The following SYTL3 variants were observed in gnomAD, a reference collection of about 807,000 sequenced individuals.
The protein encoded by SYTL3 is synaptotagmin-like protein 3.
A neutral mutation model predicts 82.1 loss-of-function variants in SYTL3; 88 were observed. The ratio of observed to expected loss-of-function variants is 1.07; its 90% CI spans 0.90 to 1.28. The LOEUF is 1.28. Ranked by LOEUF, SYTL3 falls within the 50% of genes most tolerant of loss-of-function variation. The pLI, the probability that SYTL3 is intolerant of heterozygous loss-of-function variation, is 0.00. For missense variants in SYTL3, 831 were observed against 757.6 expected (o/e 1.10, Z -1.14); for synonymous variants, 311 against 289.4 (o/e 1.07, Z -0.76).
At chr6:158,647,557 G>C (rs573927230), upstream of SYTL3, among the ~76,000 whole-genome samples, 8 of 152,316 alleles carry the variant, frequency 5.3e-5, no homozygotes, top group African/African-American at 1.9e-4. Context: ...GTAGTGCTTG[G>C]AAAAATGCAG....
chr6:158,697,978 G>T (rs986379399), intron 6 of SYTL3, among the ~76,000 whole-genome samples: 1 of 152,220 alleles, frequency 6.6e-6, no homozygotes, highest in Non-Finnish European at 1.5e-5. Flanking sequence ...GTTAGTAATT[G>T]TTGCTCCCTG....
intron 17 of SYTL3, among the ~76,000 whole-genome samples, chr6:158,763,904 G>T (rs1790367089): frequency 6.6e-6 from 1 of 152,190 alleles, no homozygotes; most frequent in African/African-American, 2.4e-5. Context: ...CGCTCGGCAG[G>T]GCACCGCCGG....
Position 158,718,080 on chromosome 6 carries a change from CT to C in SYTL3, c.596-3del. The C allele has an allele frequency of 6.6e-7, 1 of 1,521,768 alleles. No individual in the cohort carries two copies. Among genetic ancestry groups the C allele is most frequent in the Non-Finnish European group, 8.8e-7 (1 of 1,133,218 alleles). 94.3% of individuals were successfully genotyped at this position (1,521,768 alleles called of 1,614,324 possible). A position where few individuals can be genotyped will look rare whatever the true frequency, so the allele number is the denominator to read the frequency against. ...CCCACCCATCAACCCTTGTGTTTGC[CT>C]TTTAGAGCTCTCCAAATCCCAGAAT... is the stretch of plus-strand genomic sequence containing the variant. On this transcript the variant is annotated splice_polypyrimidine_tract_variant and splice_region_variant and intron_variant, in intron 9 of 17. Transcript: ENST00000611299.
chr6:158,674,348 A>G (rs1186785191), intron 5 of SYTL3, among the ~76,000 whole-genome samples: 1 of 151,824 alleles, frequency 6.6e-6, no homozygotes, highest in Non-Finnish European at 1.5e-5. Flanking sequence ...TCTTCCTTCT[A>G]TCTTGCTGTG....
chr6:158,654,183 C>T (rs958043962), intron 2 of SYTL3, among the ~76,000 whole-genome samples: 11 of 152,182 alleles, frequency 7.2e-5, no homozygotes, highest in Non-Finnish European at 1.0e-4. Flanking sequence ...CTCTCTGCTC[C>T]TGTGTGGAGT....
chr6:158,697,617 T>C (rs1392103367), intron 6 of SYTL3, among the ~76,000 whole-genome samples: 1 of 152,116 alleles, frequency 6.6e-6, no homozygotes, highest in African/African-American at 2.4e-5. Context: ...AGCAACAGAA[T>C]GAGAGAAAAT....
chr6:158,733,654 G>A (rs534699177), intron 11 of SYTL3, among the ~76,000 whole-genome samples: 166 of 151,958 alleles, frequency 1.1e-3, no homozygotes, highest in South Asian at 2.5e-3. Flanking sequence ...AAAGTTTTAA[G>A]TTGTTAGCCA....
Position 158,707,116 on chromosome 6 carries a change from T to C in SYTL3, c.395-114T>C, listed in dbSNP as rs376449748. On this transcript the variant is annotated intron_variant, in intron 6 of 17. Coordinates refer to ENST00000611299, the MANE Select transcript of SYTL3 (RefSeq NM_001242394.2). ...ATCACCTCAAAATGATCTCTTACTT[T>C]TTAATCACAAGAAATGATACTAGAG... The C allele has an allele frequency of 7.2e-6, 8 of 1,112,700 alleles. No homozygotes were observed. In the East Asian group the frequency reaches 1.2e-4, roughly 17 times the overall value. 68.9% of individuals were successfully genotyped at this position (1,112,700 alleles called of 1,614,324 possible).
chr6:158,690,998 C>A (rs1429110117), intron 6 of SYTL3, among the ~76,000 whole-genome samples: 1 of 152,090 alleles, frequency 6.6e-6, no homozygotes, highest in Non-Finnish European at 1.5e-5. Context: ...TCAAATTCAA[C>A]CTTCCTGGCC....
chr6:158,688,649 A>C (rs11753677), intron 6 of SYTL3, among the ~76,000 whole-genome samples: 7,374 of 152,306 alleles, frequency 0.048, 278 homozygotes, highest in Non-Finnish European at 0.071. Context: ...GAAGAAAATC[A>C]TAAAGAGCAA....
intron 16 of SYTL3, 62 bp downstream of exon 16, chr6:158,762,240 G>A: frequency 8.2e-7 from 1 of 1,215,824 alleles, no homozygotes; most frequent in Non-Finnish European, 1.2e-6. Flanking sequence ...ACATGGCCCA[G>A]AACCTGCAGC....
intron 9 of SYTL3, among the ~76,000 whole-genome samples, chr6:158,717,275 AAAAT>A (rs536541456): frequency 9.8e-4 from 144 of 146,476 alleles, no homozygotes; most frequent in African/African-American, 3.5e-3. Context: ...CTCTATTTCA[AAAAT>A]AAATAAGTAA....
At chr6:158,757,068 C>A in intron 13 of SYTL3, 143 bp from the exon 14 acceptor site, 1 of 542,898 alleles carries the variant, frequency 1.8e-6, no homozygotes, top group Non-Finnish European at 2.9e-6. Flanking sequence ...CTGGCTGCAT[C>A]CGCATCTTGG....
chr6:158,649,196 A>G (rs149916841), upstream of SYTL3, among the ~76,000 whole-genome samples: 7 of 152,318 alleles, frequency 4.6e-5, no homozygotes, highest in African/African-American at 1.7e-4. Flanking sequence ...TGAAAACACT[A>G]CACACTACAT....
intron 6 of SYTL3, among the ~76,000 whole-genome samples, chr6:158,704,508 G>T (rs984134491): frequency 7.2e-5 from 11 of 152,390 alleles, no homozygotes; most frequent in Admixed American, 3.9e-4. Context: ...AGAACTGCCC[G>T]TGGGGGATAG....
chr6:158,664,103 T>A (rs1789718722), intron 4 of SYTL3, among the ~76,000 whole-genome samples: 1 of 152,244 alleles, frequency 6.6e-6, no homozygotes, highest in Non-Finnish European at 1.5e-5. Flanking sequence ...AGTGAGGGTT[T>A]GGTTTCTAAT....
chr6:158,668,439 G>A (rs569289626), intron 5 of SYTL3, among the ~76,000 whole-genome samples: 1 of 152,290 alleles, frequency 6.6e-6, no homozygotes, highest in East Asian at 1.9e-4. Context: ...ATGTTGGCCA[G>A]GCTGGCCTCG....
chr6:158,702,566 GTTACTCAGC>G (rs1377544211), intron 6 of SYTL3, among the ~76,000 whole-genome samples: 7 of 151,726 alleles, frequency 4.6e-5, no homozygotes, highest in African/African-American at 1.7e-4. Context: ...GGGAAAAGAA[GTTACTCAGC>G]TTTCTGGGAC....
chr6:158,670,729 C>T (rs543433360), intron 5 of SYTL3, among the ~76,000 whole-genome samples: 78 of 151,896 alleles, frequency 5.1e-4, no homozygotes, highest in African/African-American at 1.8e-3. Context: ...TTGCAATGAG[C>T]GGAGATCACA....
Sources: gnomAD v4.1 joint callset for allele counts (sites outside exome capture counted in the v4.1 genomes callset) on GRCh38, gnomAD v4.1.1 for gene constraint, MANE v1.5 for transcripts, NCBI Gene and HGNC (gene_info 2026-07-23, HGNC 2026-07-21) for gene names.